KCNN3: variants seen among roughly 807,000 people sequenced by gnomAD.
KCNN3 encodes potassium calcium-activated channel subfamily N member 3, also known as small conductance calcium-activated potassium channel protein 3.
KCNN3 carries 16 observed loss-of-function variants against 62.9 expected under a neutral mutation model. That is an observed-to-expected ratio of 0.25 (90% CI 0.17 to 0.39). The LOEUF (loss-of-function observed/expected upper bound fraction) is 0.39. KCNN3 is among the 10% of genes least tolerant of loss of function. The probability of loss-of-function intolerance (pLI) is 1.00; values close to 1 mark genes in which losing one functional copy is unlikely to be tolerated. For synonymous variants in KCNN3, 370 were observed against 389.2 expected (o/e 0.95, Z 0.58); for missense variants, 599 against 949.4 (o/e 0.63, Z 4.85).
At chr1:154,745,319 T>C (rs1013076237) in intron 3 of KCNN3, among the ~76,000 whole-genome samples, 2 of 152,202 alleles carry the variant, frequency 1.3e-5, no homozygotes, top group Non-Finnish European at 2.9e-5. Context: ...AACAAACAAA[T>C]GCGACTTGCC....
At chr1:154,778,744 G>A (rs1275578926) in intron 2 of KCNN3, among the ~76,000 whole-genome samples, 2 of 149,236 alleles carry the variant, frequency 1.3e-5, no homozygotes, top group Non-Finnish European at 3.0e-5. Context: ...TGGGATAACA[G>A]GCACCCACAA....
At chr1:154,827,484 C>T (rs1355406791) in intron 1 of KCNN3, among the ~76,000 whole-genome samples, 11 of 152,180 alleles carry the variant, frequency 7.2e-5, no homozygotes, top group Admixed American at 7.2e-4. Flanking sequence ...ACAGCCTCCT[C>T]CTCCCAGGTG....
chr1:154,719,840 A>C (rs1388975466), intron 5 of KCNN3, among the ~76,000 whole-genome samples: 3 of 150,868 alleles, frequency 2.0e-5, no homozygotes, highest in Admixed American at 6.6e-5. Flanking sequence ...TCTATTCCAC[A>C]CTCCCTTTAC....
At chr1:154,780,976 T>C (rs2101850499) in intron 2 of KCNN3, among the ~76,000 whole-genome samples, 1 of 152,320 alleles carries the variant, frequency 6.6e-6, no homozygotes, top group South Asian at 2.1e-4. Context: ...CCGCTCTGTG[T>C]CTAAGAAGAA....
chr1:154,784,732 G>A (rs1649204088), intron 2 of KCNN3, among the ~76,000 whole-genome samples: 1 of 152,244 alleles, frequency 6.6e-6, no homozygotes, highest in South Asian at 2.1e-4. Context: ...CAGGGGCCAT[G>A]TATTGCAGCC....
At position 154,817,499 on chromosome 1, in the gene KCNN3, T is replaced by C. The variant is rs569280484; in HGVS notation, c.1029+4590A>G. Among the ~76,000 whole-genome samples the C allele has an allele frequency of 2.0e-4, 31 of 152,304 alleles. No homozygotes were observed. In the South Asian group the frequency reaches 6.4e-3, roughly 32 times the overall value. ...AGTTGCTGTGGCCTCCACAGTATGG[T>C]TATTAGTCCTATTTTACAGAAAGGA... is the stretch of plus-strand genomic sequence containing the variant. On this transcript the variant is annotated intron_variant, in intron 2 of 7. Transcript: ENST00000271915.
At chr1:154,771,647 T>C (rs1335838951) in intron 3 of KCNN3, among the ~76,000 whole-genome samples, 8 of 152,242 alleles carry the variant, frequency 5.3e-5, no homozygotes, top group Non-Finnish European at 4.4e-5. Context: ...TAATAAGCAT[T>C]ATTAATACCC....
intron 3 of KCNN3, among the ~76,000 whole-genome samples, chr1:154,742,211 AG>A (rs1221904670): frequency 2.0e-5 from 3 of 152,140 alleles, no homozygotes; most frequent in Non-Finnish European, 4.4e-5. Flanking sequence ...CTGGCCCTTC[AG>A]GACCCACTTC....
intron 1 of KCNN3, chr1:154,859,838 T>C (rs1425532977): frequency 6.2e-7 from 1 of 1,605,502 alleles, no homozygotes; most frequent in African/African-American, 1.3e-5. Flanking sequence ...TAAGCTGACT[T>C]TCCTGTTAAT....
chr1:154,784,089 C>T (rs774227716), intron 2 of KCNN3, among the ~76,000 whole-genome samples: 2 of 152,096 alleles, frequency 1.3e-5, no homozygotes, highest in Admixed American at 6.5e-5. Flanking sequence ...CACCGGGTCC[C>T]CTCCTGTGTG....
chr1:154,759,945 C>T (rs1647921600), intron 3 of KCNN3, among the ~76,000 whole-genome samples: 1 of 152,156 alleles, frequency 6.6e-6, no homozygotes, highest in South Asian at 2.1e-4. Context: ...ATTTTCCTTG[C>T]TTTACCAGTT....
Position 154,772,065 on chromosome 1 carries a change from G to C in KCNN3, c.1358C>G (p.Thr453Arg). The change falls in exon 3 of 8, where the codon ACG (threonine) becomes AGG (arginine). Residue 453 changes from threonine to arginine, a missense_variant. Thr to Arg is a moderately conservative substitution (Grantham distance 71, BLOSUM62 -1). Transcript: ENST00000271915. The surrounding 1 kb of genome is among the most constrained non-coding windows in gnomAD (Gnocchi z 5.6). ...INFNTRFVMK[T>R]LMTICPGTVL... ...AGTGCCAGGGCAGATGGTCATGAGC[G>C]TCTTCATGACAAAGCGGGTGTTGAA... 6.2e-7 allele frequency: 1 copy of C among 1,614,112 alleles called. No homozygotes were observed. The highest frequency in any genetic ancestry group is 8.5e-7 in the Non-Finnish European group (1 of 1,179,956).
At chr1:154,767,967 T>C (rs925169063) in intron 3 of KCNN3, among the ~76,000 whole-genome samples, 1 of 152,222 alleles carries the variant, frequency 6.6e-6, no homozygotes, top group African/African-American at 2.4e-5. Flanking sequence ...TAGAGAGATT[T>C]CCATAGCAAC....
At chr1:154,723,392 T>G (rs1354191962) in intron 5 of KCNN3, among the ~76,000 whole-genome samples, 2 of 152,210 alleles carry the variant, frequency 1.3e-5, no homozygotes, top group Non-Finnish European at 2.9e-5. Flanking sequence ...AAAGCTACCT[T>G]AGATTCATGG....
At chr1:154,858,099 C>T (rs991856048) in intron 1 of KCNN3, among the ~76,000 whole-genome samples, 2 of 152,178 alleles carry the variant, frequency 1.3e-5, no homozygotes, top group African/African-American at 4.8e-5. Flanking sequence ...ACATAGTGTG[C>T]ACCCCGTCAG....
At chr1:154,843,426 C>A (rs1238791682) in intron 1 of KCNN3, among the ~76,000 whole-genome samples, 2 of 152,188 alleles carry the variant, frequency 1.3e-5, no homozygotes, top group African/African-American at 2.4e-5. Flanking sequence ...CTCAAGTATC[C>A]TCAGTCCCAG....
chr1:154,867,552 T>C (rs923837538), intron 1 of KCNN3, among the ~76,000 whole-genome samples: 2 of 152,022 alleles, frequency 1.3e-5, no homozygotes, highest in Non-Finnish European at 2.9e-5. Context: ...TAAAGTGAGA[T>C]GCTGGGAATG....
At chr1:154,828,651 C>G (rs1472052229) in intron 1 of KCNN3, among the ~76,000 whole-genome samples, 1 of 152,200 alleles carries the variant, frequency 6.6e-6, no homozygotes, top group Non-Finnish European at 1.5e-5. Context: ...AAGAACTACC[C>G]TTACTTTTCT....
intron 2 of KCNN3, among the ~76,000 whole-genome samples, chr1:154,800,214 G>A (rs1252555477): frequency 6.6e-6 from 1 of 152,196 alleles, no homozygotes; most frequent in Non-Finnish European, 1.5e-5. Flanking sequence ...GGGAGAGCTT[G>A]TCCCAGATCA....
Sources: gnomAD v4.1 joint callset for allele counts (sites outside exome capture counted in the v4.1 genomes callset) on GRCh38, gnomAD v4.1.1 for gene constraint, Gnocchi (gnomAD v3.1) non-coding constraint, MANE v1.5 for transcripts, NCBI Gene and HGNC (gene_info 2026-07-23, HGNC 2026-07-21) for gene names.